ZFHX3: variants seen among roughly 807,000 people sequenced by gnomAD.
The protein encoded by ZFHX3 is zinc finger homeobox protein 3.
Under a neutral mutation model 279.1 loss-of-function variants are expected in ZFHX3, and 42 were observed. That is an observed-to-expected ratio of 0.15 (90% CI 0.12 to 0.19). The LOEUF (loss-of-function observed/expected upper bound fraction) is 0.19. ZFHX3 is among the 10% of genes least tolerant of loss of function. The pLI, the probability that ZFHX3 is intolerant of heterozygous loss-of-function variation, is 1.00. For synonymous variants in ZFHX3, 2,293 were observed against 1,957.8 expected (o/e 1.17, Z -4.52); for missense variants, 4,981 against 4,754.0 (o/e 1.05, Z -1.40).
chr16:72,797,697 G>A lies in ZFHX3; in HGVS notation c.4985C>T (p.Thr1662Ile). The change falls in exon 9 of 10, where the codon ACC (threonine) becomes ATC (isoleucine). Residue 1662 changes from threonine (T) to isoleucine (I), a missense_variant. Physicochemically the swap from Thr to Ile is moderately conservative, Grantham distance 89. Coordinates refer to ENST00000268489, the MANE Select transcript of ZFHX3 (RefSeq NM_006885.4). ...PSPVSTSGSN[T>I]FTTSNPSSAG... ...ACTGCTTGGATTGGAGGTGGTAAAG[G>A]TGTTACTGCCACTGGTGCTCACAGG... is the stretch of plus-strand genomic sequence containing the variant. 1 of 1,614,134 alleles carries A rather than the reference G, an allele frequency of 6.2e-7. No individual in the cohort carries two copies. The highest frequency in any genetic ancestry group is 8.5e-7 in the Non-Finnish European group (1 of 1,180,036).
chr16:72,997,431 G>C (rs1254075804), intron 1 of ZFHX3, among the ~76,000 whole-genome samples: 4 of 152,130 alleles, frequency 2.6e-5, no homozygotes, highest in Admixed American at 2.0e-4. Context: ...TGCCCTCAAG[G>C]GTTCCCCAGG....
At chr16:73,064,815 C>T (rs899988728) in intron 8 of ZFHX3, among the ~76,000 whole-genome samples, 1 of 152,148 alleles carries the variant, frequency 6.6e-6, no homozygotes, top group African/African-American at 2.4e-5. Flanking sequence ...ATCTGAAATC[C>T]AACCTTGGGG....
chr16:73,602,088 T>G (rs2052124555), intron 2 of ZFHX3, among the ~76,000 whole-genome samples: 1 of 152,058 alleles, frequency 6.6e-6, no homozygotes, highest in Non-Finnish European at 1.5e-5. Flanking sequence ...GCTGTGATGT[T>G]ACCACTGCAC....
At chr16:73,654,034 A>T (rs1041125374) in intron 2 of ZFHX3, among the ~76,000 whole-genome samples, 1 of 152,132 alleles carries the variant, frequency 6.6e-6, no homozygotes, top group East Asian at 1.9e-4. Context: ...AATACAAAAA[A>T]TTAGCCGGGC....
chr16:72,902,143 T>G (rs2039053551), intron 3 of ZFHX3, among the ~76,000 whole-genome samples: 1 of 152,212 alleles, frequency 6.6e-6, no homozygotes, highest in South Asian at 2.1e-4. Context: ...ATAGAGGCAA[T>G]CGTTTTCAAC....
chr16:73,531,714 CAAAAA>C (rs34119200), intron 2 of ZFHX3, among the ~76,000 whole-genome samples: 2 of 81,144 alleles, frequency 2.5e-5, no homozygotes, highest in South Asian at 4.3e-4. Flanking sequence ...AACCCTGTCT[CAAAAA>C]AAAAAAAAAA....
At chr16:73,679,228 G>A (rs1403108514) in intron 2 of ZFHX3, among the ~76,000 whole-genome samples, 2 of 151,696 alleles carry the variant, frequency 1.3e-5, no homozygotes, top group South Asian at 2.1e-4. Flanking sequence ...CAAAATGAAC[G>A]TCTCATGCAT....
intron 3 of ZFHX3, among the ~76,000 whole-genome samples, chr16:73,451,704 T>C (rs2018283553): frequency 6.6e-6 from 1 of 152,212 alleles, no homozygotes; most frequent in Non-Finnish European, 1.5e-5. Context: ...AATATTTCTG[T>C]TAACTGGGAA....
chr16:73,543,157 T>C (rs892339751), intron 2 of ZFHX3, among the ~76,000 whole-genome samples: 2 of 152,230 alleles, frequency 1.3e-5, no homozygotes, highest in Admixed American at 1.3e-4. Flanking sequence ...AACATTCCTC[T>C]GCTGAGGTTT....
chr16:73,158,693 A>C (rs1033994554), intron 5 of ZFHX3, among the ~76,000 whole-genome samples: 3 of 152,236 alleles, frequency 2.0e-5, no homozygotes, highest in Non-Finnish European at 2.9e-5. Flanking sequence ...ACAGAGCTAC[A>C]GTAGCCAAAA....
At chr16:73,736,662 G>C (rs2053612512) in intron 1 of ZFHX3, among the ~76,000 whole-genome samples, 1 of 152,336 alleles carries the variant, frequency 6.6e-6, no homozygotes, top group Middle Eastern at 3.4e-3. Context: ...AAAGGAAAGA[G>C]TCTCTGGCTC....
intron 1 of ZFHX3, among the ~76,000 whole-genome samples, chr16:72,965,359 G>T (rs958222157): frequency 3.9e-5 from 6 of 152,196 alleles, no homozygotes; most frequent in African/African-American, 9.6e-5. Flanking sequence ...AGTGATGGGG[G>T]TGAGGGGAAC....
intron 1 of ZFHX3, among the ~76,000 whole-genome samples, chr16:72,965,024 A>G (rs1015778728): frequency 4.6e-5 from 7 of 151,984 alleles, no homozygotes; most frequent in African/African-American, 1.7e-4. Flanking sequence ...CCTACAGGCG[A>G]CCACCACCAC....
chr16:73,618,883 TC>T (rs1479974839), intron 2 of ZFHX3, among the ~76,000 whole-genome samples: 1 of 152,144 alleles, frequency 6.6e-6, no homozygotes, highest in Non-Finnish European at 1.5e-5. Flanking sequence ...TGAACTAGAA[TC>T]CTGGCCTAAT....
chr16:73,709,346 C>CAGAGAGAG (rs59857152), intron 1 of ZFHX3, among the ~76,000 whole-genome samples: 3 of 145,280 alleles, frequency 2.1e-5, no homozygotes, highest in African/African-American at 7.7e-5. Context: ...GGCTGTGTGA[C>CAGAGAGAG]AGAGAGAGAG....
chr16:72,800,230 T>A, intron 7 of ZFHX3, 101 bp from the exon 8 acceptor site: 1 of 950,696 alleles, frequency 1.1e-6, no homozygotes, highest in African/African-American at 1.6e-5. Flanking sequence ...TTCACCAGTG[T>A]AAAGCTAGAG....
chr16:73,481,731 G>A (rs1004338164), intron 2 of ZFHX3, among the ~76,000 whole-genome samples: 3 of 152,090 alleles, frequency 2.0e-5, no homozygotes, highest in Non-Finnish European at 4.4e-5. Context: ...GGCCTCAAGT[G>A]ATCCTCCCAC....
intron 5 of ZFHX3, among the ~76,000 whole-genome samples, chr16:73,224,010 C>A (rs2012510128): frequency 1.3e-5 from 2 of 152,112 alleles, no homozygotes; most frequent in African/African-American, 4.8e-5. Context: ...TCAGCGGTTG[C>A]TATAGGCTAG....
intron 1 of ZFHX3, among the ~76,000 whole-genome samples, chr16:73,698,259 A>C (rs541212572): frequency 6.6e-6 from 1 of 152,320 alleles, no homozygotes; most frequent in East Asian, 1.9e-4. Flanking sequence ...TAATAACTGA[A>C]TAAATAAAAA....
Sources: allele counts gnomAD v4.1 joint callset (sites outside exome capture counted in the v4.1 genomes callset), GRCh38; gene constraint gnomAD v4.1.1; transcripts MANE v1.5; gene names NCBI Gene and HGNC (gene_info 2026-07-23, HGNC 2026-07-21).